Variants in TMEM132E observed in about 807,000 individuals in gnomAD.
TMEM132E encodes transmembrane protein 132E.
In TMEM132E, 49 loss-of-function variants were observed where a neutral mutation model predicts 78.5. The ratio of observed to expected loss-of-function variants is 0.62; its 90% confidence interval spans 0.50 to 0.79. TMEM132E has a LOEUF of 0.79. Among genes scored for constraint, TMEM132E ranks in the 30% least tolerant of loss-of-function variants. TMEM132E has a pLI of 0.00. For synonymous variants in TMEM132E, 715 were observed against 670.6 expected (o/e 1.07, Z -1.02); for missense variants, 1,403 against 1,470.9 (o/e 0.95, Z 0.75).
In TMEM132E at chr17:34,626,241, C is replaced by T. The variant is rs1907114927; in HGVS notation, c.182C>T (p.Ala61Val). ...CGGCTGGCCTTCTTCCTGCGGGAGG[C>T]GCGGCCCCCGTCACCCGCGGTCGCC... ...HTRLAFFLREARPPSPAVANS... is the reference protein window; with the variant it reads ...HTRLAFFLREVRPPSPAVANS... The change falls in exon 2 of 9, where the codon GCG becomes GTG. Residue 61 changes from alanine (A) to valine (V), a missense_variant. This residue lies in a region of TMEM132E where 511 missense variants were observed against 499.0 expected (regional missense o/e 1.02). Transcript: ENST00000631683. The T allele has an allele frequency of 6.3e-7, 1 of 1,595,230 alleles. No individual in the cohort carries two copies. The highest frequency in any genetic ancestry group is 8.5e-7 in the Non-Finnish European group (1 of 1,171,554).
At chr17:34,613,197 C>CGCGCG (rs1555563333) in intron 1 of TMEM132E, among the ~76,000 whole-genome samples, 1 of 131,064 alleles carries the variant, frequency 7.6e-6, no homozygotes, top group East Asian at 2.8e-4. Context: ...ACACACACAC[C>CGCGCG]CACACACACA....
chr17:34,638,313 A>C lies in TMEM132E; in HGVS notation c.*81A>C. On this transcript the variant is annotated 3_prime_UTR_variant, in exon 9 of 9. Coordinates refer to ENST00000631683, the MANE Select transcript of TMEM132E (RefSeq NM_001304438.2). ...GGACACAGCCGGGACCCCGGTTCAC[A>C]CTGACTCTGGGCGGCTGAATTGATT... The C allele has an allele frequency of 1.5e-6, 2 of 1,363,160 alleles. No homozygotes were observed. Among genetic ancestry groups the C allele is most frequent in the South Asian group, 1.5e-5 (1 of 65,912 alleles). 84.4% of individuals were successfully genotyped at this position (1,363,160 alleles called of 1,614,324 possible).
intron 2 of TMEM132E, 114 bp from the exon 3 acceptor site, chr17:34,628,449 A>C: frequency 1.6e-6 from 2 of 1,248,458 alleles, no homozygotes; most frequent in Non-Finnish European, 1.1e-6. Context: ...GACTCGGGGT[A>C]ACTTAGCTTA....
At position 34,626,845 on chromosome 17, in the gene TMEM132E, C is replaced by A; in HGVS notation, c.786C>A (p.Ser262Arg). Residue 262 changes from serine (S) to arginine (R), a missense_variant, in exon 2 of 9, where the codon AGC becomes AGA. Around this residue, in one of 3 missense-constraint regions of TMEM132E, gnomAD observed 511 missense variants for 499.0 expected, o/e 1.02. Transcript: ENST00000631683. ...AGPGVGARAE[S>R]PTQHPLLRIG... ...CCGGGGTGGGGGCCCGAGCGGAAAG[C>A]CCTACCCAGCACCCCCTGCTGCGCA... 1 of 1,591,770 alleles carries A rather than the reference C, an allele frequency of 6.3e-7. No homozygotes were observed. Among genetic ancestry groups the A allele is most frequent in the Non-Finnish European group, 8.5e-7 (1 of 1,173,914 alleles).
chr17:34,599,316 T>A (rs1300458695), intron 1 of TMEM132E, among the ~76,000 whole-genome samples: 1 of 152,198 alleles, frequency 6.6e-6, no homozygotes, highest in African/African-American at 2.4e-5. Context: ...GGGCACCTGC[T>A]AATGCTGCTC....
intron 2 of TMEM132E, 130 bp downstream of exon 2, chr17:34,627,187 C>T: frequency 5.7e-6 from 6 of 1,048,100 alleles, no homozygotes; most frequent in Non-Finnish European, 8.3e-6. Context: ...AATCCCGGAT[C>T]TGTCACTTAG....
intron 1 of TMEM132E, among the ~76,000 whole-genome samples, chr17:34,611,910 G>A (rs573179806): frequency 6.6e-6 from 1 of 152,242 alleles, no homozygotes; most frequent in South Asian, 2.1e-4. Context: ...CACCCTATGG[G>A]GCAGAGAAGG....
At chr17:34,608,358 C>T (rs1370218770) in intron 1 of TMEM132E, among the ~76,000 whole-genome samples, 2 of 152,192 alleles carry the variant, frequency 1.3e-5, no homozygotes, top group African/African-American at 2.4e-5. Flanking sequence ...CCAGATCCAT[C>T]ATCTACTAGC....
Position 34,634,967 on chromosome 17 carries a change from C to G in TMEM132E, c.1857C>G (p.Asp619Glu), listed in dbSNP as rs907920171. The change falls in exon 7 of 9, where the codon GAC (aspartate) becomes GAG (glutamate). Residue 619 changes from aspartate to glutamate, a missense_variant. By Grantham distance (45) the Asp-to-Glu change is conservative. This residue lies in a region of TMEM132E where 888 missense variants were observed against 952.8 expected (regional missense o/e 0.93). Coordinates refer to ENST00000631683, the MANE Select transcript of TMEM132E (RefSeq NM_001304438.2). ...TDQVVTMLGPDWLVEVTDLVS... is the reference protein window; with the variant it reads ...TDQVVTMLGPEWLVEVTDLVS... ...AGGTGGTCACCATGTTAGGCCCGGA[C>G]TGGCTGGTGGAGGTCACCGACCTAG... The G allele has an allele frequency of 3.7e-6, 6 of 1,614,162 alleles. No homozygotes were observed. The African/African-American group carries it at 4.0e-5, about 11-fold the overall frequency.
chr17:34,636,859 T>C (rs971057669), intron 8 of TMEM132E, among the ~76,000 whole-genome samples: 1 of 152,166 alleles, frequency 6.6e-6, no homozygotes, highest in Non-Finnish European at 1.5e-5. Context: ...CAGAAGGGAC[T>C]TGAATTAGAC....
chr17:34,599,641 T>G (rs999313915), intron 1 of TMEM132E, among the ~76,000 whole-genome samples: 57 of 151,720 alleles, frequency 3.8e-4, no homozygotes, highest in African/African-American at 1.3e-3. Flanking sequence ...CATTGAAGAG[T>G]TTTTTATTTT....
rs1279680312 is a variant in TMEM132E at position 34,626,202 on chromosome 17, G to A, written c.143G>A (p.Arg48His). 4 of 1,572,778 alleles carry A rather than the reference G, an allele frequency of 2.5e-6. No individual in the cohort carries two copies. The highest frequency in any genetic ancestry group is 1.9e-4 in the Middle Eastern group (1 of 5,182). Reference protein sequence around the residue: ...QASPVLPVSYRLSHTRLAFFL... With the variant: ...QASPVLPVSYHLSHTRLAFFL... ...AGCCCGGTGCTGCCAGTCAGCTACC[G>A]CCTGTCGCACACGCGGCTGGCCTTC... Residue 48 changes from arginine (R) to histidine (H), a missense_variant, in exon 2 of 9, where the codon CGC becomes CAC. Physicochemically the swap from Arg to His is conservative, Grantham distance 29. Around this residue, in one of 3 missense-constraint regions of TMEM132E, gnomAD observed 511 missense variants for 499.0 expected, o/e 1.02. Transcript: ENST00000631683.
rs1300019381 is a variant in TMEM132E at position 34,626,622 on chromosome 17, C to T, written c.563C>T (p.Thr188Ile). Residue 188 changes from threonine (T) to isoleucine (I), a missense_variant, in exon 2 of 9, where the codon ACT becomes ATT. Thr to Ile is a moderately conservative substitution (Grantham distance 89). Transcript: ENST00000631683. ...TGCCGCCTCAGCGGGGGCCTGGCCACTTGTCTGGTGCGGGCAGAGCTGCCC... is the reference window on the plus strand; with the variant it reads ...TGCCGCCTCAGCGGGGGCCTGGCCATTTGTCTGGTGCGGGCAGAGCTGCCC... Reference protein sequence around the residue: ...SSCRLSGGLATCLVRAELPLA... With the variant: ...SSCRLSGGLAICLVRAELPLA... The T allele has an allele frequency of 2.0e-6, 3 of 1,490,552 alleles. No homozygotes were observed. Among genetic ancestry groups the T allele is most frequent in the Admixed American group, 4.3e-5 (2 of 46,286 alleles). The allele number at this position is 1,490,552 out of a possible 1,614,324, so 92.3% of individuals were successfully genotyped here. A position where few individuals can be genotyped will look rare whatever the true frequency, so the allele number is the denominator to read the frequency against.
chr17:34,588,296 G>A (rs573078069), intron 1 of TMEM132E, among the ~76,000 whole-genome samples: 1 of 152,280 alleles, frequency 6.6e-6, no homozygotes, highest in South Asian at 2.1e-4. Flanking sequence ...GCAACTCATT[G>A]CAGATTTGCC....
At chr17:34,591,495 G>A (rs986236467) in intron 1 of TMEM132E, among the ~76,000 whole-genome samples, 1 of 152,074 alleles carries the variant, frequency 6.6e-6, no homozygotes, top group Admixed American at 6.6e-5. Context: ...TCTCTCCCTG[G>A]GGTCTTGCAA....
intron 1 of TMEM132E, among the ~76,000 whole-genome samples, chr17:34,582,392 G>C (rs903601625): frequency 3.3e-5 from 5 of 151,970 alleles, no homozygotes; most frequent in Admixed American, 2.0e-4. Flanking sequence ...CATTCTCAAG[G>C]TTGAGAGAAT....
At chr17:34,629,243 C>T in intron 4 of TMEM132E, 39 bp downstream of exon 4, 1 of 1,600,248 alleles carries the variant, frequency 6.2e-7, no homozygotes, top group Non-Finnish European at 8.5e-7. Context: ...ATGCCTGGGT[C>T]TATGCATGTG....
intron 7 of TMEM132E, among the ~76,000 whole-genome samples, chr17:34,635,599 A>G (rs1907493912): frequency 6.6e-6 from 1 of 152,242 alleles, no homozygotes; most frequent in South Asian, 2.1e-4. Context: ...TTTCACAAAA[A>G]ATGAATCTGG....
chr17:34,634,501 G>A (rs1907450090), intron 6 of TMEM132E, among the ~76,000 whole-genome samples: 1 of 152,240 alleles, frequency 6.6e-6, no homozygotes, highest in Admixed American at 6.5e-5. Flanking sequence ...ACTTAGTACT[G>A]AAGAAGAGGC....
Sources: allele counts gnomAD v4.1 joint callset (sites outside exome capture counted in the v4.1 genomes callset), GRCh38; gene constraint gnomAD v4.1.1; regional missense constraint gnomAD v4.1.1; transcripts MANE v1.5; gene names NCBI Gene and HGNC (gene_info 2026-07-23, HGNC 2026-07-21).